Variants in PAX3 observed in about 807,000 individuals in gnomAD.
PAX3 encodes paired box 3.
In PAX3, 14 loss-of-function variants were observed where a neutral mutation model predicts 51.6. The ratio of observed to expected loss-of-function variants is 0.27; its 90% CI spans 0.18 to 0.42. The LOEUF is 0.42. Among genes scored for constraint, PAX3 ranks in the 10% least tolerant of loss-of-function variants. The pLI is 1.00. For missense variants in PAX3, 540 were observed against 642.8 expected (o/e 0.84, Z 1.73); for synonymous variants, 280 against 253.4 (o/e 1.11, Z -1.00).
chr2:222,252,747 A>G (rs946346924), intron 4 of PAX3, among the ~76,000 whole-genome samples: 1 of 152,098 alleles, frequency 6.6e-6, no homozygotes, highest in South Asian at 2.1e-4. Flanking sequence ...CTGTGATGTT[A>G]CTCAACCTTA....
intron 5 of PAX3, among the ~76,000 whole-genome samples, chr2:222,230,568 A>T (rs917965243): frequency 3.3e-5 from 5 of 151,986 alleles, no homozygotes; most frequent in African/African-American, 7.3e-5. Flanking sequence ...ATAATTTTTT[A>T]AAAAAAGGTT....
chr2:222,211,956 C>CTTGGT (rs1196606941), intron 7 of PAX3, among the ~76,000 whole-genome samples: 1 of 152,106 alleles, frequency 6.6e-6, no homozygotes, highest in African/African-American at 2.4e-5. Flanking sequence ...TATCATGAGG[C>CTTGGT]TTGGTTTGGT....
chr2:222,236,324 G>A (rs1340051897), intron 4 of PAX3, among the ~76,000 whole-genome samples: 1 of 152,060 alleles, frequency 6.6e-6, no homozygotes, highest in Non-Finnish European at 1.5e-5. Context: ...AAACTCCTGG[G>A]CTCAAGCAAT....
intron 7 of PAX3, among the ~76,000 whole-genome samples, chr2:222,218,532 T>C (rs1239224000): frequency 2.6e-5 from 4 of 152,200 alleles, no homozygotes; most frequent in Non-Finnish European, 5.9e-5. Context: ...ATCATGTTCA[T>C]GAAAAGCTTT....
chr2:222,254,366 G>A (rs1366604892), intron 4 of PAX3, among the ~76,000 whole-genome samples: 5 of 151,328 alleles, frequency 3.3e-5, no homozygotes, highest in African/African-American at 4.8e-5. Context: ...AAATATGCTC[G>A]TCTGTTCTGA....
rs1011737942 is a variant in PAX3 at position 222,233,247 on chromosome 2, G to A, written c.587-964C>T. 3.0e-4 allele frequency among the ~76,000 whole-genome samples: 46 copies of A among 152,122 alleles called. 1 individual carries two copies. The highest frequency in any genetic ancestry group is 2.9e-3 in the Admixed American group (45 of 15,274). ...AATGTCCCTGAAGCCACTGTGTGGT[G>A]GCCTAACACACACAAAACTTGTGTG... On this transcript the variant is annotated intron_variant, in intron 4 of 8. Transcript: ENST00000392070.
intron 4 of PAX3, among the ~76,000 whole-genome samples, chr2:222,274,496 A>G (rs1054038280): frequency 6.6e-6 from 1 of 151,862 alleles, no homozygotes; most frequent in Non-Finnish European, 1.5e-5. Flanking sequence ...TATTTTAACC[A>G]GCAAACGTAA....
Position 222,264,853 on chromosome 2 carries a change from A to G in PAX3, c.586+29314T>C, listed in dbSNP as rs145153412. 4 of 152,378 alleles carry G rather than the reference A, an allele frequency of 2.6e-5. No homozygotes were observed. In the East Asian group the frequency reaches 7.7e-4, roughly 29 times the overall value. 9.4% of individuals were successfully genotyped at this position (152,378 alleles called of 1,614,324 possible). A position where few individuals can be genotyped will look rare whatever the true frequency, so the allele number is the denominator to read the frequency against. Reference sequence around the variant, plus strand: ...GACCTCTTGTCTTCAACTTCTTGCCATTCTCACATGCACCATGTGACCATT... The same window carrying G: ...GACCTCTTGTCTTCAACTTCTTGCCGTTCTCACATGCACCATGTGACCATT... On this transcript the variant is annotated intron_variant, in intron 4 of 8. Transcript: ENST00000392070.
intron 4 of PAX3, among the ~76,000 whole-genome samples, chr2:222,277,932 CAAAAAA>C (rs745911501): frequency 1.1e-5 from 1 of 90,608 alleles, no homozygotes; most frequent in Non-Finnish European, 2.1e-5. Context: ...GACTCCATCT[CAAAAAA>C]AAAAAAAAAA....
At chr2:222,207,117 G>A (rs563556117) in intron 7 of PAX3, among the ~76,000 whole-genome samples, 36 of 151,672 alleles carry the variant, frequency 2.4e-4, no homozygotes, top group African/African-American at 7.7e-4. Flanking sequence ...ATATATTTTC[G>A]GAACCAATCA....
At chr2:222,295,245 C>T (rs909096493) in intron 3 of PAX3, among the ~76,000 whole-genome samples, 3 of 152,168 alleles carry the variant, frequency 2.0e-5, no homozygotes, top group African/African-American at 7.2e-5. Context: ...TATTAATAAA[C>T]GCTCTGCCTC....
intron 4 of PAX3, chr2:222,264,612 ATT>A (rs1693978871): frequency 6.6e-6 from 1 of 152,286 alleles, no homozygotes; most frequent in African/African-American, 2.4e-5. Context: ...CAAAAAATAA[ATT>A]TAAAATCATA....
intron 4 of PAX3, among the ~76,000 whole-genome samples, chr2:222,267,939 T>C (rs1410119351): frequency 6.6e-6 from 1 of 152,252 alleles, no homozygotes; most frequent in Non-Finnish European, 1.5e-5. Flanking sequence ...CATCAGTATA[T>C]GACTGTTTTG....
rs778738002 is a variant in PAX3, at chr2:222,295,574, G to A, written c.405C>T (p.Asp135=). ...CACAGACCGCGTCCTTGAGTAATTTGTCTCGGATTTCCCAGCTGAACATGC... is the reference window on the plus strand; with the variant it reads ...CACAGACCGCGTCCTTGAGTAATTTATCTCGGATTTCCCAGCTGAACATGC... ...NPGMFSWEIR[D]KLLKDAVCDR... The change falls in exon 3 of 9, where the codon GAC becomes GAT. Residue 135 remains aspartate, a synonymous_variant. Coordinates refer to ENST00000392070, the MANE Select transcript of PAX3 (RefSeq NM_181458.4). 1.1e-5 allele frequency: 17 copies of A among 1,614,074 alleles called. No individual in the cohort carries two copies. In the Admixed American group the frequency reaches 2.0e-4, roughly 19 times the overall value.
At chr2:222,260,622 C>T (rs1268104112) in intron 4 of PAX3, among the ~76,000 whole-genome samples, 1 of 106,528 alleles carries the variant, frequency 9.4e-6, no homozygotes, top group African/African-American at 3.9e-5. Context: ...GGCAAAGTCT[C>T]TCTCTGTTGC....
intron 4 of PAX3, among the ~76,000 whole-genome samples, chr2:222,245,687 A>G (rs1312463476): frequency 6.6e-6 from 1 of 151,888 alleles, no homozygotes; most frequent in Non-Finnish European, 1.5e-5. Context: ...AAGAGAAGAG[A>G]GGCCAGGCAC....
At chr2:222,254,100 A>AT (rs2106130867) in intron 4 of PAX3, among the ~76,000 whole-genome samples, 2 of 148,790 alleles carry the variant, frequency 1.3e-5, no homozygotes, top group East Asian at 4.4e-4. Context: ...GCAAATGACA[A>AT]GTTTTTTTTT....
chr2:222,229,166 T>C (rs900566504), intron 5 of PAX3, among the ~76,000 whole-genome samples: 1 of 151,378 alleles, frequency 6.6e-6, no homozygotes, highest in South Asian at 2.1e-4. Context: ...TATGATTTAA[T>C]TTGTCTGCCC....
At chr2:222,293,421 G>C (rs553750756) in intron 4 of PAX3, among the ~76,000 whole-genome samples, 45 of 148,726 alleles carry the variant, frequency 3.0e-4, no homozygotes, top group African/African-American at 1.1e-3. Context: ...CTGCACTTCT[G>C]TCTCCCATGG....
Sources: gnomAD v4.1 joint callset for allele counts (sites outside exome capture counted in the v4.1 genomes callset) on GRCh38, gnomAD v4.1.1 for gene constraint, MANE v1.5 for transcripts, NCBI Gene and HGNC (gene_info 2026-07-23, HGNC 2026-07-21) for gene names.